MED27: variants seen among roughly 807,000 people sequenced by gnomAD.
MED27 encodes the protein mediator complex subunit 27, also known as mediator of RNA polymerase II transcription subunit 27.
Under a neutral mutation model 38.2 loss-of-function variants are expected in MED27, and 30 were observed. The observed-to-expected ratio is 0.79, with a 90% CI of 0.59 to 1.07. MED27 has a LOEUF of 1.07. MED27 is among the 50% of genes least tolerant of loss of function. The probability of loss-of-function intolerance (pLI) is 0.00; values close to 1 mark genes in which losing one functional copy is unlikely to be tolerated. For missense variants in MED27, 289 were observed against 397.5 expected (o/e 0.73, Z 2.32); for synonymous variants, 122 against 153.5 (o/e 0.79, Z 1.52).
At chr9:131,921,104 T>C (rs1286446813) in intron 4 of MED27, among the ~76,000 whole-genome samples, 3 of 152,170 alleles carry the variant, frequency 2.0e-5, no homozygotes, top group Admixed American at 1.3e-4. Flanking sequence ...TATCTAAATA[T>C]GCATGCTTAC....
chr9:131,881,244 C>T (rs566943142), intron 6 of MED27, among the ~76,000 whole-genome samples: 3 of 152,280 alleles, frequency 2.0e-5, no homozygotes, highest in East Asian at 1.9e-4. Context: ...ACAGTCAGCA[C>T]GGAAAACGTT....
intron 2 of MED27, among the ~76,000 whole-genome samples, chr9:132,058,819 CA>C (rs1833637747): frequency 6.6e-6 from 1 of 152,222 alleles, no homozygotes; most frequent in South Asian, 2.1e-4. Context: ...CAACATATCA[CA>C]TGTCACTTAT....
intron 6 of MED27, among the ~76,000 whole-genome samples, chr9:131,871,401 G>A (rs1000291960): frequency 4.6e-5 from 7 of 152,192 alleles, no homozygotes; most frequent in Non-Finnish European, 7.3e-5. Context: ...AAGGACTGGG[G>A]AGAAAAACCC....
At chr9:131,980,831 C>T (rs1386774856) in intron 3 of MED27, among the ~76,000 whole-genome samples, 5 of 151,914 alleles carry the variant, frequency 3.3e-5, no homozygotes, top group African/African-American at 1.2e-4. Flanking sequence ...TGAATTCTGA[C>T]ACTTCCCGCA....
At chr9:131,933,932 T>G (rs937905531) in intron 4 of MED27, among the ~76,000 whole-genome samples, 3 of 152,002 alleles carry the variant, frequency 2.0e-5, no homozygotes, top group Non-Finnish European at 4.4e-5. Context: ...AAAAGACACA[T>G]AGATCAATGG....
intron 5 of MED27, among the ~76,000 whole-genome samples, chr9:131,892,806 A>C (rs1242169133): frequency 6.6e-6 from 1 of 152,180 alleles, no homozygotes; most frequent in Admixed American, 6.5e-5. Flanking sequence ...CTCACTTTAC[A>C]TGCATGCTCC....
At chr9:131,898,133 C>T (rs767144764) in intron 4 of MED27, among the ~76,000 whole-genome samples, 32 of 147,644 alleles carry the variant, frequency 2.2e-4, no homozygotes, top group Non-Finnish European at 3.9e-4. Context: ...AGATGACTTC[C>T]AGGGCTATAG....
chr9:132,051,261 C>T lies in MED27; in HGVS notation c.348+26181G>A, dbSNP rs1833459100. On this transcript the variant is annotated intron_variant, in intron 2 of 7. Coordinates refer to ENST00000292035, the MANE Select transcript of MED27 (RefSeq NM_004269.4). This position sits in a 1 kb window ranked among gnomAD's most constrained non-coding sequence, Gnocchi z 4.2. ...ACATTTCGGCCACTCATTTGCATTC[C>T]AGTAAGCTTTCCTGAGTGGGAAAGA... Among the ~76,000 whole-genome samples, 1 of 152,212 alleles carries T rather than the reference C, an allele frequency of 6.6e-6. No homozygotes were observed.
At chr9:132,064,686 G>C (rs1297296143) in intron 2 of MED27, among the ~76,000 whole-genome samples, 1 of 152,220 alleles carries the variant, frequency 6.6e-6, no homozygotes, top group Non-Finnish European at 1.5e-5. Context: ...ACTAAGTGTG[G>C]AGCAGAATTA....
chr9:132,073,475 C>T (rs1442868421), intron 2 of MED27: 2 of 1,177,960 alleles, frequency 1.7e-6, no homozygotes, highest in Admixed American at 8.8e-5. Context: ...TGGTGCCTCT[C>T]CCCTGAGCCT....
chr9:131,978,311 A>T (rs1247327054), intron 3 of MED27, among the ~76,000 whole-genome samples: 1 of 152,230 alleles, frequency 6.6e-6, no homozygotes, highest in Non-Finnish European at 1.5e-5. Context: ...AAAAGACACA[A>T]AAGACATATC....
In MED27 at chr9:131,861,879, C is replaced by A. The variant is rs767055331; in HGVS notation, c.801+1184G>T. 6.6e-6 allele frequency among the ~76,000 whole-genome samples: 1 copy of A among 151,966 alleles called. No homozygotes were observed. The highest frequency in any genetic ancestry group is 6.6e-5 in the Admixed American group (1 of 15,260). On this transcript the variant is annotated intron_variant, in intron 7 of 7. Transcript: ENST00000292035. This position sits in a 1 kb window ranked among gnomAD's most constrained non-coding sequence, Gnocchi z 4.4. ...GTAACCTTGAACTCCTGGGCTCAAG[C>A]GATCCTCCCGCTTCAGCCTCCTGAG...
rs773702459 is a variant in MED27, at chr9:132,079,862, A to C, written c.-18T>G. 3.8e-6 allele frequency: 6 copies of C among 1,559,664 alleles called. No individual in the cohort carries two copies. The highest frequency in any genetic ancestry group is 2.3e-5 in the South Asian group (2 of 85,978). ...TCCGCCATGTTGCCGCCGCCACAGC[A>C]GCTCTCCAAAGCCGGCTTCGCAAGC... On this transcript the variant is annotated 5_prime_UTR_variant, in exon 1 of 8. Transcript: ENST00000292035.
intron 3 of MED27, among the ~76,000 whole-genome samples, chr9:131,996,323 G>T (rs1450117439): frequency 1.3e-5 from 2 of 152,316 alleles, no homozygotes; most frequent in East Asian, 3.9e-4. Flanking sequence ...CAGTGATGAG[G>T]GGCTCAGACC....
intron 3 of MED27, among the ~76,000 whole-genome samples, chr9:131,956,796 T>C (rs913135831): frequency 4.6e-5 from 7 of 151,546 alleles, no homozygotes; most frequent in African/African-American, 1.7e-4. Flanking sequence ...GAAAAAACGT[T>C]TGACAAAATT....
intron 3 of MED27, among the ~76,000 whole-genome samples, chr9:132,011,450 A>G (rs7040224): frequency 0.63 from 96,415 of 152,082 alleles, 31,029 homozygotes; most frequent in Non-Finnish European, 0.68. Context: ...ACAGGCAGCC[A>G]TGTTGCATTT....
intron 4 of MED27, among the ~76,000 whole-genome samples, chr9:131,935,544 G>C (rs1410780663): frequency 1.3e-5 from 2 of 152,078 alleles, no homozygotes; most frequent in African/African-American, 4.8e-5. Flanking sequence ...TGCCAGATAC[G>C]ACCACCATCA....
intron 3 of MED27, among the ~76,000 whole-genome samples, chr9:131,984,923 T>C (rs1352836203): frequency 6.6e-6 from 1 of 152,216 alleles, no homozygotes; most frequent in Non-Finnish European, 1.5e-5. Context: ...CTAGTATTTC[T>C]ATTACAAGTC....
At position 131,868,350 on chromosome 9, in the gene MED27, C is replaced by T. The variant is rs563314461; in HGVS notation, c.724-5210G>A. 2.6e-5 allele frequency among the ~76,000 whole-genome samples: 4 copies of T among 152,314 alleles called. No individual in the cohort carries two copies. In the South Asian group the frequency reaches 8.3e-4, roughly 32 times the overall value. On this transcript the variant is annotated intron_variant, in intron 6 of 7. Transcript: ENST00000292035. ...CTGGAGGGCAGTGGCCCAATCTTAG[C>T]TCAGTGCAGCCTTGACCTCCTGGAC...
Sources: gnomAD v4.1 joint callset for allele counts (sites outside exome capture counted in the v4.1 genomes callset) on GRCh38, gnomAD v4.1.1 for gene constraint, Gnocchi (gnomAD v3.1) non-coding constraint, MANE v1.5 for transcripts, NCBI Gene and HGNC (gene_info 2026-07-23, HGNC 2026-07-21) for gene names.